Variants in COMMD1 observed in about 807,000 individuals in gnomAD.
COMMD1 encodes COMM domain-containing protein 1.
A neutral mutation model predicts 17.2 loss-of-function variants in COMMD1; 10 were observed. The ratio of observed to expected loss-of-function variants is 0.58; its 90% CI spans 0.36 to 0.99. The LOEUF (loss-of-function observed/expected upper bound fraction) is 0.99, where lower values mean the gene tolerates loss of function less well. Among genes scored for constraint, COMMD1 ranks in the 50% least tolerant of loss-of-function variants. The probability of loss-of-function intolerance (pLI) is 0.01; values close to 1 mark genes in which losing one functional copy is unlikely to be tolerated. For synonymous variants in COMMD1, 97 were observed against 91.6 expected, an observed-to-expected ratio of 1.06 and a Z score of -0.34; for missense variants, 270 against 231.8, an observed-to-expected ratio of 1.17 and a Z score of -1.07.
At chr2:61,929,239 G>A (rs1037054861) in intron 1 of COMMD1, among the ~76,000 whole-genome samples, 1 of 152,228 alleles carries the variant, frequency 6.6e-6, no homozygotes, top group African/African-American at 2.4e-5. Context: ...CAGGAGATGT[G>A]TGAAGGACAC....
At chr2:62,094,700 G>GT (rs1671950758) in intron 2 of COMMD1, among the ~76,000 whole-genome samples, 1 of 152,144 alleles carries the variant, frequency 6.6e-6, no homozygotes, top group South Asian at 2.1e-4. Flanking sequence ...AATCAACTGA[G>GT]TATCAAACTT....
chr2:61,913,366 CAA>C (rs767142777), intron 1 of COMMD1, among the ~76,000 whole-genome samples: 4 of 41,992 alleles, frequency 9.5e-5, no homozygotes, highest in Non-Finnish European at 1.0e-4. Flanking sequence ...GACTCCATCT[CAA>C]AAAAAAAAAA....
At chr2:62,087,432 A>G (rs545192280) in intron 2 of COMMD1, among the ~76,000 whole-genome samples, 1 of 152,358 alleles carries the variant, frequency 6.6e-6, no homozygotes, top group East Asian at 1.9e-4. Flanking sequence ...CTTCTGAGAT[A>G]AAGGTATTTT....
intron 2 of COMMD1, among the ~76,000 whole-genome samples, chr2:62,102,146 A>G (rs745821651): frequency 3.3e-5 from 5 of 152,192 alleles, no homozygotes; most frequent in Non-Finnish European, 5.9e-5. Context: ...AAGACCATAC[A>G]TATTTCCTAT....
At position 61,995,236 on chromosome 2, in the gene COMMD1, C is replaced by T. The variant is rs575442089; in HGVS notation, c.181-5465C>T. On this transcript the variant is annotated intron_variant, in intron 1 of 2. Transcript: ENST00000311832. ...AGTAGCTGGGACTGCAGGCGTGTGA[C>T]ACCACACTGGCCAGATTCAGCGTTC... Among the ~76,000 whole-genome samples the T allele has an allele frequency of 5.3e-5, 8 of 152,290 alleles. No individual in the cohort carries two copies. In the East Asian group the frequency reaches 7.7e-4, roughly 15 times the overall value.
At chr2:62,042,385 T>C (rs1204302804) in intron 2 of COMMD1, among the ~76,000 whole-genome samples, 2 of 152,204 alleles carry the variant, frequency 1.3e-5, no homozygotes, top group Non-Finnish European at 2.9e-5. Flanking sequence ...TCCAAGTCCC[T>C]ACCCAACCCA....
intron 1 of COMMD1, among the ~76,000 whole-genome samples, chr2:62,000,300 T>A (rs1407630948): frequency 6.7e-6 from 1 of 148,180 alleles, no homozygotes; most frequent in Non-Finnish European, 1.5e-5. Flanking sequence ...TGAGACAGGG[T>A]CTCTCTCTGT....
chr2:62,028,020 T>A (rs1669812904), intron 2 of COMMD1, among the ~76,000 whole-genome samples: 1 of 152,172 alleles, frequency 6.6e-6, no homozygotes, highest in Non-Finnish European at 1.5e-5. Context: ...TTATAGTCCA[T>A]GTTAGCCTGT....
chr2:61,979,049 C>T (rs914160249), intron 1 of COMMD1, among the ~76,000 whole-genome samples: 5 of 150,998 alleles, frequency 3.3e-5, no homozygotes, highest in East Asian at 2.0e-4. Context: ...TCAAGTACTA[C>T]GTCTTATTTA....
intron 1 of COMMD1, among the ~76,000 whole-genome samples, chr2:61,911,595 A>G (rs1669910086): frequency 6.6e-6 from 1 of 152,160 alleles, no homozygotes; most frequent in Non-Finnish European, 1.5e-5. Flanking sequence ...CAGTCTCCCA[A>G]AGTGCTGAGA....
chr2:62,092,635 G>A (rs1244450130), intron 2 of COMMD1, among the ~76,000 whole-genome samples: 1 of 152,160 alleles, frequency 6.6e-6, no homozygotes, highest in East Asian at 1.9e-4. Flanking sequence ...TCACCTGGCT[G>A]TAATCCGTGG....
intron 1 of COMMD1, among the ~76,000 whole-genome samples, chr2:61,938,965 G>T (rs1184030446): frequency 6.6e-6 from 1 of 152,060 alleles, no homozygotes; most frequent in Non-Finnish European, 1.5e-5. Context: ...TTGTAGCCAA[G>T]AAATAATTCA....
intron 2 of COMMD1, among the ~76,000 whole-genome samples, chr2:62,135,599 C>T (rs1037778580): frequency 6.6e-6 from 1 of 152,194 alleles, no homozygotes; most frequent in African/African-American, 2.4e-5. Context: ...GATCTGCCCG[C>T]CTCGGCCTCC....
chr2:61,891,706 C>T (rs958674804), intron 1 of COMMD1, among the ~76,000 whole-genome samples: 2 of 151,818 alleles, frequency 1.3e-5, no homozygotes, highest in African/African-American at 4.8e-5. Context: ...CCAGCCTGGG[C>T]GACAGAGTGA....
At chr2:62,032,318 G>A (rs1029902510) in intron 2 of COMMD1, among the ~76,000 whole-genome samples, 11 of 152,124 alleles carry the variant, frequency 7.2e-5, no homozygotes, top group Non-Finnish European at 1.0e-4. Context: ...GGAGCATCAC[G>A]TGAGCCCAGG....
At chr2:61,994,922 T>C (rs1340447941) in intron 1 of COMMD1, among the ~76,000 whole-genome samples, 1 of 152,104 alleles carries the variant, frequency 6.6e-6, no homozygotes, top group Non-Finnish European at 1.5e-5. Flanking sequence ...TTGGAGCTTA[T>C]GCCAGTCCCC....
At chr2:62,097,970 C>T (rs1023986344) in intron 2 of COMMD1, among the ~76,000 whole-genome samples, 19 of 152,120 alleles carry the variant, frequency 1.2e-4, no homozygotes, top group Admixed American at 1.2e-3. Flanking sequence ...CCCCTTTGTG[C>T]AAGCACCCGT....
chr2:62,130,982 G>A (rs1014438928), intron 2 of COMMD1, among the ~76,000 whole-genome samples: 1 of 152,222 alleles, frequency 6.6e-6, no homozygotes, highest in African/African-American at 2.4e-5. Context: ...GTTTCCTGAG[G>A]AGTGTTGAGT....
chr2:61,993,638 T>A (rs921930362), intron 1 of COMMD1, among the ~76,000 whole-genome samples: 12 of 152,354 alleles, frequency 7.9e-5, no homozygotes, highest in African/African-American at 2.2e-4. Flanking sequence ...GGAAGTAGTG[T>A]GCTGTGAACA....
Sources: gnomAD v4.1 joint callset for allele counts (sites outside exome capture counted in the v4.1 genomes callset) on GRCh38, gnomAD v4.1.1 for gene constraint, MANE v1.5 for transcripts, NCBI Gene and HGNC (gene_info 2026-07-23, HGNC 2026-07-21) for gene names.